The following PHF20L1 variants were observed in gnomAD, a reference collection of about 807,000 sequenced individuals.
PHF20L1 encodes the protein PHD finger protein 20 like 1, also known as PHD finger protein 20-like protein 1.
In PHF20L1, 44 loss-of-function variants were observed where a neutral mutation model predicts 125.5. The observed-to-expected ratio is 0.35, with a 90% CI of 0.28 to 0.45. The LOEUF is 0.45. Among genes scored for constraint, PHF20L1 ranks in the 20% least tolerant of loss-of-function variants. PHF20L1 has a pLI of 1.00. For synonymous variants in PHF20L1, 380 were observed against 403.1 expected (o/e 0.94, Z 0.69); for missense variants, 1,012 against 1,217.2 (o/e 0.83, Z 2.51).
At chr8:132,779,568 T>A (rs1288859104) in intron 2 of PHF20L1, among the ~76,000 whole-genome samples, 1 of 152,264 alleles carries the variant, frequency 6.6e-6, no homozygotes, top group Non-Finnish European at 1.5e-5. Context: ...ATTAATATAT[T>A]AGGCTTCCCA....
Position 132,842,561 on chromosome 8 carries a change from C to G in PHF20L1, c.2434C>G (p.Arg812Gly), listed in dbSNP as rs760025399. ...TCATCTCTGGGCTTGTTCCGGGAAG[C>G]GAAAAGACCAAGATCAAATAATAGC... ...DLHLWACSGK[R>G]KDQDQIIAGV... Residue 812 changes from arginine (R) to glycine (G), a missense_variant, in exon 19 of 21, where the codon CGA becomes GGA. Physicochemically the swap from Arg to Gly is moderately radical, Grantham distance 125. This residue lies in a region of PHF20L1 where 277 missense variants were observed against 283.6 expected (regional missense o/e 0.98). Coordinates refer to ENST00000395386, the MANE Select transcript of PHF20L1 (RefSeq NM_016018.5). 34 of 1,609,416 alleles carry G rather than the reference C, an allele frequency of 2.1e-5. No individual in the cohort carries two copies. The highest frequency in any genetic ancestry group is 2.9e-5 in the Non-Finnish European group (34 of 1,178,466).
At chr8:132,811,455 G>A in intron 9 of PHF20L1, 1 of 1,007,632 alleles carries the variant, frequency 9.9e-7, no homozygotes, top group Non-Finnish European at 1.2e-6. Flanking sequence ...CCATTTGTGA[G>A]TTAAAACAGG....
intron 9 of PHF20L1, chr8:132,813,278 A>G (rs969902238): frequency 1.1e-5 from 2 of 179,816 alleles, no homozygotes; most frequent in Non-Finnish European, 2.1e-5. Flanking sequence ...TCAAATAATT[A>G]ATCTGCACTT....
intron 17 of PHF20L1, chr8:132,838,495 T>C (rs1443098915): frequency 6.6e-6 from 1 of 151,124 alleles, no homozygotes; most frequent in South Asian, 2.1e-4. Context: ...CTTGGTGCCT[T>C]CTTCTATGCT....
intron 15 of PHF20L1, among the ~76,000 whole-genome samples, chr8:132,835,735 T>G (rs994911252): frequency 2.4e-4 from 37 of 152,256 alleles, no homozygotes; most frequent in African/African-American, 8.9e-4. Flanking sequence ...GGTAAAGTCA[T>G]TAAGAACACA....
chr8:132,811,274 T>C lies in PHF20L1; in HGVS notation c.930+146T>C, dbSNP rs1373168854. 8.4e-6 allele frequency: 12 copies of C among 1,426,166 alleles called. No homozygotes were observed. The African/African-American group carries it at 1.7e-4, about 21-fold the overall frequency. 88.3% of individuals were successfully genotyped at this position (1,426,166 alleles called of 1,614,324 possible). A position where few individuals can be genotyped will look rare whatever the true frequency, so the allele number is the denominator to read the frequency against. On this transcript the variant is annotated intron_variant, in intron 9 of 20. Coordinates refer to ENST00000395386, the MANE Select transcript of PHF20L1 (RefSeq NM_016018.5). ...TGATGATATATTTTTAACTCTGCCT[T>C]CTCCAAGGTATACAGATAACTACAG...
rs1212111035 is a variant in PHF20L1, at chr8:132,846,438, G to A, written c.*515G>A. The A allele has an allele frequency of 6.6e-6, 1 of 152,528 alleles. No homozygotes were observed. Among genetic ancestry groups the A allele is most frequent in the Non-Finnish European group, 1.5e-5 (1 of 68,008 alleles). The allele number at this position is 152,528 out of a possible 1,614,324, so 9.4% of individuals were successfully genotyped here. ...ATTTAGGGTATTTAAACTTTTAAAG[G>A]ATCATGAGCTGTTTCTTGGGCGATG... is the stretch of plus-strand genomic sequence containing the variant. On this transcript the variant is annotated 3_prime_UTR_variant, in exon 21 of 21. Coordinates refer to ENST00000395386, the MANE Select transcript of PHF20L1 (RefSeq NM_016018.5).
At chr8:132,832,512 A>C in intron 15 of PHF20L1, 113 bp downstream of exon 15, 2 of 682,502 alleles carry the variant, frequency 2.9e-6, no homozygotes, top group South Asian at 4.7e-5. Flanking sequence ...TAGCTAAACT[A>C]ATATGAAAGT....
At chr8:132,826,644 G>A (rs1278905201) in intron 14 of PHF20L1, 2 of 152,036 alleles carry the variant, frequency 1.3e-5, no homozygotes, top group Non-Finnish European at 2.9e-5. Flanking sequence ...AGATTCAACT[G>A]TGTGTGGGAA....
intron 19 of PHF20L1, 128 bp downstream of exon 19, chr8:132,843,003 G>A (rs1838084899): frequency 1.4e-6 from 2 of 1,415,544 alleles, no homozygotes; most frequent in Admixed American, 5.8e-5. Flanking sequence ...CCTTGTTAAA[G>A]TAAGGAGATT....
At chr8:132,795,229 G>C (rs988140699) in intron 4 of PHF20L1, among the ~76,000 whole-genome samples, 26 of 152,084 alleles carry the variant, frequency 1.7e-4, no homozygotes, top group African/African-American at 6.3e-4. Context: ...ATTTTCTGAG[G>C]AAAGAGTATG....
intron 8 of PHF20L1, chr8:132,807,172 T>A (rs1357049899): frequency 6.5e-6 from 1 of 153,158 alleles, no homozygotes; most frequent in Non-Finnish European, 1.5e-5. Context: ...ATCATATATG[T>A]ACACATATGC....
chr8:132,804,636 C>A lies in PHF20L1; in HGVS notation c.743C>A (p.Pro248Gln). 1 of 1,607,228 alleles carries A rather than the reference C, an allele frequency of 6.2e-7. No individual in the cohort carries two copies. The highest frequency in any genetic ancestry group is 8.5e-7 in the Non-Finnish European group (1 of 1,174,754). Residue 248 changes from proline (P) to glutamine (Q), a missense_variant, in exon 8 of 21, where the codon CCA (proline) becomes CAA (glutamine). By Grantham distance (76) the Pro-to-Gln change is moderately conservative. Around this residue, in one of 7 missense-constraint regions of PHF20L1, gnomAD observed 134 missense variants for 145.9 expected, o/e 0.92. Coordinates refer to ENST00000395386, the MANE Select transcript of PHF20L1 (RefSeq NM_016018.5). ...ETFGLHVENV[P>Q]KMVFPQPEST... is the part of the protein sequence containing the mutation. Reference sequence around the variant, plus strand: ...GTAGGACTTCATGTAGAGAACGTTCCAAAGATGGTCTTTCCACAGCCAGAG... The same window carrying A: ...GTAGGACTTCATGTAGAGAACGTTCAAAAGATGGTCTTTCCACAGCCAGAG...
At chr8:132,843,355 A>G (rs1320183474) in intron 19 of PHF20L1, 1 of 979,832 alleles carries the variant, frequency 1.0e-6, no homozygotes, top group Non-Finnish European at 1.2e-6. Context: ...TTGGACATCT[A>G]TAAACTTATT....
chr8:132,780,844 CTT>C lies in PHF20L1; in HGVS notation c.83+2950_83+2951del, dbSNP rs199806400. On this transcript the variant is annotated intron_variant, in intron 2 of 20. Coordinates refer to ENST00000395386, the MANE Select transcript of PHF20L1 (RefSeq NM_016018.5). ...AAATGCCTATTAAAGGTTTTTCTTG[CTT>C]TTTTTTTTTTTTTTTTGAGACAGAG... is the stretch of plus-strand genomic sequence containing the variant. 2.1e-3 allele frequency among the ~76,000 whole-genome samples: 276 copies of C among 129,616 alleles called. 2 individuals are homozygous for C. The highest frequency in any genetic ancestry group is 6.7e-3 in the African/African-American group (236 of 35,358). 85.0% of individuals were successfully genotyped at this position (129,616 alleles called of 152,430 possible).
chr8:132,811,608 A>G (rs1364846513), intron 9 of PHF20L1: 21 of 982,964 alleles, frequency 2.1e-5, no homozygotes, highest in Non-Finnish European at 2.5e-5. Flanking sequence ...AATAACTACA[A>G]AAAAAGAGAG....
chr8:132,824,127 GC>G (rs1247095977), intron 13 of PHF20L1, 67 bp downstream of exon 13: 2 of 972,824 alleles, frequency 2.1e-6, no homozygotes, highest in Non-Finnish European at 3.2e-6. Flanking sequence ...GACATAGTCT[GC>G]CCCTTACTCT....
chr8:132,826,402 C>G (rs961933783), intron 14 of PHF20L1: 1 of 152,028 alleles, frequency 6.6e-6, no homozygotes. Flanking sequence ...CCTAAAAACC[C>G]GTGAGGAAAC....
intron 15 of PHF20L1, 47 bp from the exon 16 acceptor site, chr8:132,836,493 T>C: frequency 7.8e-7 from 1 of 1,283,366 alleles, no homozygotes; most frequent in Non-Finnish European, 1.1e-6. Context: ...AAAAATAACA[T>C]GAAAATAGAA....
Sources: allele counts gnomAD v4.1 joint callset (sites outside exome capture counted in the v4.1 genomes callset), GRCh38; gene constraint gnomAD v4.1.1; regional missense constraint gnomAD v4.1.1; transcripts MANE v1.5; gene names NCBI Gene and HGNC (gene_info 2026-07-23, HGNC 2026-07-21).